CEP112: variants seen among roughly 807,000 people sequenced by gnomAD.
The protein encoded by CEP112 is centrosomal protein of 112 kDa.
In CEP112, 127 loss-of-function variants were observed where a neutral mutation model predicts 153.0. The ratio of observed to expected loss-of-function variants is 0.83; its 90% CI spans 0.72 to 0.96. The LOEUF is 0.96. Among genes scored for constraint, CEP112 ranks in the 40% least tolerant of loss-of-function variants. The probability of loss-of-function intolerance (pLI) is 0.00; values close to 1 mark genes in which losing one functional copy is unlikely to be tolerated. For missense variants in CEP112, 1,089 were observed against 1,101.2 expected, an observed-to-expected ratio of 0.99 and a Z score of 0.16; for synonymous variants, 358 against 374.4, an observed-to-expected ratio of 0.96 and a Z score of 0.51.
At chr17:65,928,978 A>G (rs2061028381) in intron 18 of CEP112, among the ~76,000 whole-genome samples, 2 of 152,220 alleles carry the variant, frequency 1.3e-5, no homozygotes, top group Non-Finnish European at 1.5e-5. Context: ...GATTCCATTT[A>G]TATTAAATTT....
intron 18 of CEP112, among the ~76,000 whole-genome samples, chr17:65,930,987 T>A (rs949747991): frequency 1.3e-5 from 2 of 152,238 alleles, no homozygotes; most frequent in African/African-American, 4.8e-5. Context: ...ACATCTTTAT[T>A]CTTCTAGCAC....
chr17:65,899,869 T>C (rs1037097452), intron 20 of CEP112, among the ~76,000 whole-genome samples: 5 of 152,192 alleles, frequency 3.3e-5, no homozygotes, highest in Non-Finnish European at 7.4e-5. Flanking sequence ...TACAATCTAA[T>C]ATTTAATACG....
At chr17:65,761,139 T>C (rs2052591321) in intron 21 of CEP112, among the ~76,000 whole-genome samples, 2 of 151,992 alleles carry the variant, frequency 1.3e-5, no homozygotes, top group African/African-American at 4.8e-5. Flanking sequence ...TCTTTTTTTC[T>C]TAGTTTGCAT....
intron 25 of CEP112, among the ~76,000 whole-genome samples, chr17:65,638,582 C>A (rs2044908913): frequency 6.6e-6 from 1 of 152,202 alleles, no homozygotes; most frequent in Non-Finnish European, 1.5e-5. Context: ...TATCCAATTG[C>A]TCAAGTGACC....
At chr17:65,730,573 G>T (rs1300469683) in intron 23 of CEP112, among the ~76,000 whole-genome samples, 1 of 152,092 alleles carries the variant, frequency 6.6e-6, no homozygotes, top group Non-Finnish European at 1.5e-5. Context: ...TGCATACAGG[G>T]GAGACAGGAA....
intron 18 of CEP112, among the ~76,000 whole-genome samples, chr17:65,932,734 C>T (rs1568249465): frequency 6.6e-6 from 1 of 152,094 alleles, no homozygotes; most frequent in Non-Finnish European, 1.5e-5. Flanking sequence ...AACCGGATCT[C>T]ATGAGAACAC....
intron 24 of CEP112, among the ~76,000 whole-genome samples, chr17:65,683,712 C>T (rs945392878): frequency 2.0e-5 from 3 of 152,138 alleles, no homozygotes; most frequent in Non-Finnish European, 4.4e-5. Flanking sequence ...ATTCTTTCTG[C>T]ATATTGTGAT....
At chr17:65,734,313 G>A (rs1388852214) in intron 23 of CEP112, among the ~76,000 whole-genome samples, 2 of 152,158 alleles carry the variant, frequency 1.3e-5, no homozygotes, top group Admixed American at 1.3e-4. Context: ...CATCTATGTT[G>A]AGCACTGGCA....
At chr17:65,965,518 CTTTTT>C (rs1555734628) in intron 17 of CEP112, among the ~76,000 whole-genome samples, 5 of 122,072 alleles carry the variant, frequency 4.1e-5, no homozygotes, top group Non-Finnish European at 8.3e-5. Flanking sequence ...CTTCTGCCCC[CTTTTT>C]TTTTTTTTTT....
chr17:65,893,410 A>G (rs1193482473), intron 20 of CEP112, among the ~76,000 whole-genome samples: 1 of 152,108 alleles, frequency 6.6e-6, no homozygotes, highest in Non-Finnish European at 1.5e-5. Context: ...CTAATTGTGT[A>G]TTGTTTCTTT....
intron 16 of CEP112, among the ~76,000 whole-genome samples, chr17:66,021,999 G>C (rs1385933855): frequency 6.6e-6 from 1 of 152,192 alleles, no homozygotes; most frequent in African/African-American, 2.4e-5. Flanking sequence ...TGACACAAAT[G>C]CACAGTGCTT....
At chr17:65,846,990 A>G (rs1323959462) in intron 21 of CEP112, among the ~76,000 whole-genome samples, 1 of 152,182 alleles carries the variant, frequency 6.6e-6, no homozygotes. Context: ...CTATTTATGT[A>G]AAAATATCAA....
chr17:65,725,720 T>C (rs2050140682), intron 23 of CEP112, among the ~76,000 whole-genome samples: 1 of 152,146 alleles, frequency 6.6e-6, no homozygotes, highest in South Asian at 2.1e-4. Context: ...ATCATGGTGG[T>C]GGCAAGAGAA....
At chr17:65,695,937 T>A (rs112907137) in intron 23 of CEP112, among the ~76,000 whole-genome samples, 9 of 152,330 alleles carry the variant, frequency 5.9e-5, no homozygotes, top group African/African-American at 2.2e-4. Flanking sequence ...TACTAGAGAA[T>A]ACAATTTCAA....
intron 4 of CEP112, among the ~76,000 whole-genome samples, chr17:66,157,576 G>A (rs1042710999): frequency 4.1e-4 from 62 of 151,644 alleles, no homozygotes; most frequent in African/African-American, 1.2e-3. Flanking sequence ...TAAAAGACAC[G>A]GACTGGGAAA....
chr17:65,917,037 A>G (rs9906406), intron 19 of CEP112, among the ~76,000 whole-genome samples: 27,912 of 152,154 alleles, frequency 0.18, 2,768 homozygotes, highest in Admixed American at 0.28. Context: ...CCCAGGCTCT[A>G]TAGCCTCACA....
intron 21 of CEP112, among the ~76,000 whole-genome samples, chr17:65,848,525 C>T (rs1158489264): frequency 2.0e-5 from 3 of 152,158 alleles, no homozygotes; most frequent in African/African-American, 7.2e-5. Flanking sequence ...CTAAGTTCTT[C>T]CTTCACAGTT....
chr17:65,917,759 T>C (rs892073833), intron 19 of CEP112, among the ~76,000 whole-genome samples: 4 of 151,862 alleles, frequency 2.6e-5, no homozygotes, highest in Admixed American at 1.3e-4. Flanking sequence ...GCTCCCCACG[T>C]GATGTGGGGA....
chr17:65,993,076 T>C (rs1219003970), intron 17 of CEP112, among the ~76,000 whole-genome samples: 2 of 152,164 alleles, frequency 1.3e-5, no homozygotes, highest in East Asian at 3.9e-4. Flanking sequence ...CTATTTTTCC[T>C]AATGCTCTCT....
Sources: allele counts gnomAD v4.1 joint callset (sites outside exome capture counted in the v4.1 genomes callset), GRCh38; gene constraint gnomAD v4.1.1; transcripts MANE v1.5; gene names NCBI Gene and HGNC (gene_info 2026-07-23, HGNC 2026-07-21).